Variants in ERC2 observed in about 807,000 individuals in gnomAD.
ERC2 encodes the protein ERC protein 2.
Under a neutral mutation model 114.8 loss-of-function variants are expected in ERC2, and 42 were observed. The ratio of observed to expected loss-of-function variants is 0.37; its 90% confidence interval spans 0.29 to 0.47. The LOEUF is 0.47. Ranked by LOEUF, ERC2 falls within the 20% of genes least tolerant of loss-of-function variation. The pLI is 0.99. For missense variants in ERC2, 939 were observed against 1,150.7 expected (o/e 0.82, Z 2.66); for synonymous variants, 454 against 425.5 (o/e 1.07, Z -0.82).
intron 14 of ERC2, among the ~76,000 whole-genome samples, chr3:55,831,463 G>T (rs966955692): frequency 1.3e-5 from 2 of 148,662 alleles, no homozygotes; most frequent in South Asian, 4.3e-4. Context: ...GGAGGGAAGG[G>T]CAGGAAATCC....
At chr3:55,634,390 T>G (rs578136976) in intron 17 of ERC2, among the ~76,000 whole-genome samples, 3 of 152,212 alleles carry the variant, frequency 2.0e-5, no homozygotes, top group Non-Finnish European at 4.4e-5. Flanking sequence ...TCTACGATCT[T>G]GGCCAAATTC....
chr3:56,091,928 T>C (rs1346773291), intron 6 of ERC2, among the ~76,000 whole-genome samples: 1 of 151,936 alleles, frequency 6.6e-6, no homozygotes, highest in Admixed American at 6.6e-5. Context: ...TGTGCTGACT[T>C]CATTTAGCAG....
chr3:56,445,897 C>A (rs564443729), intron 1 of ERC2, among the ~76,000 whole-genome samples: 1 of 152,204 alleles, frequency 6.6e-6, no homozygotes, highest in Non-Finnish European at 1.5e-5. Context: ...TCTCTCAAAG[C>A]GTAATGCTTT....
chr3:56,184,501 T>C (rs2083471253), intron 3 of ERC2, among the ~76,000 whole-genome samples: 1 of 152,176 alleles, frequency 6.6e-6, no homozygotes, highest in Non-Finnish European at 1.5e-5. Flanking sequence ...GCTTCCCATC[T>C]AGTGCCTGAT....
At chr3:56,402,244 T>C (rs1043454881) in intron 2 of ERC2, among the ~76,000 whole-genome samples, 1 of 152,340 alleles carries the variant, frequency 6.6e-6, no homozygotes, top group South Asian at 2.1e-4. Context: ...ATATTTATAA[T>C]GCACTTTTAA....
intron 2 of ERC2, among the ~76,000 whole-genome samples, chr3:56,412,438 C>A (rs1354618325): frequency 6.6e-6 from 1 of 152,252 alleles, no homozygotes; most frequent in Non-Finnish European, 1.5e-5. Context: ...CACATCCCCA[C>A]TCTACAGATC....
In ERC2 at chr3:55,743,814, G is replaced by A. The variant is rs147019062; in HGVS notation, c.2565-8896C>T. Among the ~76,000 whole-genome samples the A allele has an allele frequency of 1.5e-3, 223 of 152,196 alleles. 1 individual carries two copies. Among genetic ancestry groups the A allele is most frequent in the Middle Eastern group, 6.8e-3 (2 of 292 alleles). On this transcript the variant is annotated intron_variant, in intron 14 of 17. Transcript: ENST00000288221. ...ACCTTTTGACTGTGGCCCTGGGTAA[G>A]TTACTCACTGTCTCTGAAACTTCAA...
intron 17 of ERC2, among the ~76,000 whole-genome samples, chr3:55,641,764 A>G (rs1208153943): frequency 6.6e-6 from 1 of 152,052 alleles, no homozygotes; most frequent in Non-Finnish European, 1.5e-5. Flanking sequence ...ATAAGGTGTT[A>G]AAAGAAGAGC....
At chr3:56,045,452 C>T (rs1446182671) in intron 7 of ERC2, among the ~76,000 whole-genome samples, 1 of 152,054 alleles carries the variant, frequency 6.6e-6, no homozygotes, top group Non-Finnish European at 1.5e-5. Context: ...TTCCAGAGCC[C>T]AGTTTTGAAT....
intron 14 of ERC2, among the ~76,000 whole-genome samples, chr3:55,752,915 C>T (rs533341819): frequency 1.5e-3 from 228 of 152,338 alleles, no homozygotes; most frequent in Non-Finnish European, 3.0e-3. Flanking sequence ...CCCCCTCAGT[C>T]ACAATGCTGC....
intron 3 of ERC2, among the ~76,000 whole-genome samples, chr3:56,273,772 C>A (rs1560502072): frequency 6.6e-6 from 1 of 152,182 alleles, no homozygotes. Context: ...TCCCAAGACA[C>A]TTCACTTCTA....
At chr3:55,571,000 C>T (rs1285647196) in intron 17 of ERC2, among the ~76,000 whole-genome samples, 1 of 151,828 alleles carries the variant, frequency 6.6e-6, no homozygotes, top group African/African-American at 2.4e-5. Context: ...GTTTGGCGTG[C>T]CCCTGTAATA....
intron 7 of ERC2, among the ~76,000 whole-genome samples, chr3:56,053,777 T>G (rs1322389139): frequency 6.6e-6 from 1 of 152,094 alleles, no homozygotes; most frequent in Non-Finnish European, 1.5e-5. Flanking sequence ...TAAGGTGGCA[T>G]CATTAAGAAG....
intron 2 of ERC2, among the ~76,000 whole-genome samples, chr3:56,303,043 C>T (rs527442675): frequency 6.6e-6 from 1 of 152,336 alleles, no homozygotes; most frequent in South Asian, 2.1e-4. Context: ...AAGGTTTTTA[C>T]TCGCCACCCT....
At chr3:55,655,199 G>T (rs2060802740) in intron 17 of ERC2, among the ~76,000 whole-genome samples, 1 of 151,970 alleles carries the variant, frequency 6.6e-6, no homozygotes, top group Admixed American at 6.6e-5. Flanking sequence ...TGCCCACAGT[G>T]GTGGCTTGAC....
At chr3:55,559,070 G>C (rs1341042397) in intron 17 of ERC2, among the ~76,000 whole-genome samples, 1 of 152,212 alleles carries the variant, frequency 6.6e-6, no homozygotes, top group Non-Finnish European at 1.5e-5. Context: ...CAAGGCATGT[G>C]GCTCCAACTG....
rs557171562 is a variant in ERC2, at chr3:56,375,101, G to A, written c.657+59250C>T. ...AGGATGCTCCCAAAATTACCAGGTT[G>A]CATTTGTCCACCACAAGGGAGAATT... On this transcript the variant is annotated intron_variant, in intron 2 of 17. Coordinates refer to ENST00000288221, the MANE Select transcript of ERC2 (RefSeq NM_015576.3). Among the ~76,000 whole-genome samples, 222 of 152,282 alleles carry A rather than the reference G, an allele frequency of 1.5e-3. 1 individual carries two copies. Among genetic ancestry groups the A allele is most frequent in the Middle Eastern group, 0.01 (3 of 294 alleles).
chr3:56,128,600 G>A (rs567261232), intron 6 of ERC2, among the ~76,000 whole-genome samples: 1 of 152,200 alleles, frequency 6.6e-6, no homozygotes, highest in Admixed American at 6.5e-5. Context: ...TTTGAATTTG[G>A]ATGAGAATGA....
At chr3:55,868,032 C>A (rs138135021) in intron 14 of ERC2, among the ~76,000 whole-genome samples, 82 of 152,304 alleles carry the variant, frequency 5.4e-4, no homozygotes, top group African/African-American at 1.9e-3. Context: ...TTTGCATATT[C>A]ATTTGGCCCT....
Sources: gnomAD v4.1 joint callset for allele counts (sites outside exome capture counted in the v4.1 genomes callset) on GRCh38, gnomAD v4.1.1 for gene constraint, MANE v1.5 for transcripts, NCBI Gene and HGNC (gene_info 2026-07-23, HGNC 2026-07-21) for gene names.